The following SPDYC variants were observed in gnomAD, a reference collection of about 807,000 sequenced individuals.
The protein encoded by SPDYC is speedy/RINGO cell cycle regulator family member C, also known as speedy protein C.
Under a neutral mutation model 33.9 loss-of-function variants are expected in SPDYC, and 25 were observed. The observed-to-expected ratio is 0.74, with a 90% CI of 0.54 to 1.03. SPDYC has a LOEUF of 1.03. Ranked by LOEUF, SPDYC falls within the 50% of genes least tolerant of loss-of-function variation. The pLI is 0.00. For missense variants in SPDYC, 349 were observed against 382.9 expected (o/e 0.91, Z 0.74); for synonymous variants, 133 against 140.2 (o/e 0.95, Z 0.36).
At chr11:65,170,552 G>C (rs900450138) in intron 1 of SPDYC, among the ~76,000 whole-genome samples, 1 of 152,074 alleles carries the variant, frequency 6.6e-6, no homozygotes, top group African/African-American at 2.4e-5. Flanking sequence ...GGGGTCGGGG[G>C]TGGTTGTGAG....
chr11:65,172,864 G>A, exon 6 of SPDYC: 1 of 1,614,174 alleles, frequency 6.2e-7, no homozygotes, highest in Non-Finnish European at 8.5e-7. Context: ...GCTTAAGCCT[G>A]TGTCATCCAA....
At position 65,172,748 on chromosome 11, in the gene SPDYC, T is replaced by G. The variant is rs774432654; in HGVS notation, c.581T>G (p.Val194Gly). ...GACCGGCGCCCCCACCATGGTGGGGTTCAGAGGGTCTGTCCACAGGTCCCT... is the reference window on the plus strand; with the variant it reads ...GACCGGCGCCCCCACCATGGTGGGGGTCAGAGGGTCTGTCCACAGGTCCCT... Residue 194 changes from valine to glycine, a missense_variant, in exon 6 of 7, where the codon GTT becomes GGT. By Grantham distance (109) the Val-to-Gly change is moderately radical. Coordinates refer to ENST00000377185, the Ensembl canonical transcript of SPDYC. 60 of 1,613,576 alleles carry G rather than the reference T, an allele frequency of 3.7e-5. No individual in the cohort carries two copies. Among genetic ancestry groups the G allele is most frequent in the Non-Finnish European group, 4.8e-5 (57 of 1,179,942 alleles).
At chr11:65,171,943 A>C in exon 3 of SPDYC, 1 of 1,614,018 alleles carries the variant, frequency 6.2e-7, no homozygotes, top group African/African-American at 1.3e-5. Flanking sequence ...CTACCCTCAG[A>C]GGACAGTTTT....
chr11:65,173,314 T>G, downstream of SPDYC: 3 of 1,414,916 alleles, frequency 2.1e-6, no homozygotes, highest in Non-Finnish European at 2.9e-6. Context: ...AGCCTGCAGC[T>G]TGTGCCCACT....
At position 65,170,596 on chromosome 11, in the gene SPDYC, T is replaced by G. The variant is rs1479193151; in HGVS notation, c.26+335T>G. Among the ~76,000 whole-genome samples, 74 of 142,100 alleles carry G rather than the reference T, an allele frequency of 5.2e-4. 1 individual carries two copies. Among genetic ancestry groups the G allele is most frequent in the South Asian group, 1.6e-3 (7 of 4,472 alleles). 93.2% of individuals were successfully genotyped at this position (142,100 alleles called of 152,430 possible). On this transcript the variant is annotated intron_variant, in intron 1 of 6. Transcript: ENST00000377185. ...TAGAGGAGCAGTTAAACTCTTGGGT[T>G]TTTTTTTTCTTTTTTTTTGGCCAGG...
intron 1 of SPDYC, among the ~76,000 whole-genome samples, chr11:65,170,910 C>T (rs1195960): frequency 0.32 from 48,314 of 151,892 alleles, 9,264 homozygotes; most frequent in East Asian, 0.46. Flanking sequence ...ACCAAAAAAC[C>T]TCTTGGGGTT....
At chr11:65,171,945 G>A in exon 3 of SPDYC, 1 of 1,614,052 alleles carries the variant, frequency 6.2e-7, no homozygotes, top group South Asian at 1.1e-5. Context: ...ACCCTCAGAG[G>A]ACAGTTTTGT....
At position 65,170,594 on chromosome 11, in the gene SPDYC, G is replaced by GT. The variant is rs892777284; in HGVS notation, c.26+343dup. On this transcript the variant is annotated intron_variant, in intron 1 of 6. Transcript: ENST00000377185. ...CCTAGAGGAGCAGTTAAACTCTTGG[G>GT]TTTTTTTTTTCTTTTTTTTTGGCCA... Among the ~76,000 whole-genome samples, 108 of 147,618 alleles carry GT rather than the reference G, an allele frequency of 7.3e-4. 1 individual carries two copies. Among genetic ancestry groups the GT allele is most frequent in the South Asian group, 1.7e-3 (8 of 4,652 alleles).
At chr11:65,172,175 C>A in intron 3 of SPDYC, 71 bp from the exon 4 acceptor site, 1 of 1,580,986 alleles carries the variant, frequency 6.3e-7, no homozygotes, top group Non-Finnish European at 8.7e-7. Context: ...TCCCTGGGTG[C>A]AAATGAACCT....
At chr11:65,172,327 G>T (rs142055554) in exon 4 of SPDYC, 2 of 1,614,002 alleles carry the variant, frequency 1.2e-6, no homozygotes, top group African/African-American at 2.7e-5. Flanking sequence ...CCTGTTCTTG[G>T]CCCTGTGAGT....
At chr11:65,171,287 C>T (rs747643967) in intron 1 of SPDYC, 40 bp from the exon 2 acceptor site, 29 of 1,574,442 alleles carry the variant, frequency 1.8e-5, no homozygotes, top group Non-Finnish European at 2.5e-5. Flanking sequence ...GTGAGCATCA[C>T]GGGGGTACAT....
At chr11:65,171,240 T>C in intron 1 of SPDYC, 87 bp from the exon 2 acceptor site, 1 of 1,358,282 alleles carries the variant, frequency 7.4e-7, no homozygotes, top group Non-Finnish European at 1.0e-6. Flanking sequence ...CACCCACCCC[T>C]CCACCGTCCT....
At chr11:65,170,508 G>A (rs944498304) in intron 1 of SPDYC, among the ~76,000 whole-genome samples, 1 of 152,168 alleles carries the variant, frequency 6.6e-6, no homozygotes, top group African/African-American at 2.4e-5. Flanking sequence ...CTCGGTGTAA[G>A]GGATCAGTGG....
chr11:65,171,492 C>A (rs761633732), exon 2 of SPDYC: 3 of 1,572,770 alleles, frequency 1.9e-6, no homozygotes, highest in South Asian at 2.3e-5. Flanking sequence ...CCTTCCTCAG[C>A]CTTCTGGGTG....
Position 65,172,847 on chromosome 11 carries a change from G to T in SPDYC, c.680G>T (p.Ser227Ile), listed in dbSNP as rs1948454296. 5 of 1,614,146 alleles carry T rather than the reference G, an allele frequency of 3.1e-6. No homozygotes were observed. The East Asian group carries it at 1.1e-4, about 36-fold the overall frequency. Residue 227 changes from serine to isoleucine, a missense_variant, in exon 6 of 7, where the codon AGC (serine) becomes ATC (isoleucine). By Grantham distance (142) the Ser-to-Ile change is moderately radical (BLOSUM62 -2). Coordinates refer to ENST00000377185, the Ensembl canonical transcript of SPDYC. The stretch of plus-strand genomic sequence containing the variant: ...TGTGGTTTGCCCCAGCACTGCAGCA[G>T]CCACTTGCTTAAGCCTGTGTCATCC...
At chr11:65,171,235 A>C (rs1340820522) in intron 1 of SPDYC, 92 bp from the exon 2 acceptor site, 8 of 1,374,254 alleles carry the variant, frequency 5.8e-6, no homozygotes, top group Non-Finnish European at 7.8e-6. Context: ...CTCTGCACCC[A>C]CCCCTCCACC....
At chr11:65,172,368 G>T (rs1286360900) in intron 4 of SPDYC, 37 bp downstream of exon 4, 1 of 1,614,132 alleles carries the variant, frequency 6.2e-7, no homozygotes, top group South Asian at 1.1e-5. Context: ...GCATTTGCTG[G>T]AGGTGTCAGA....
intron 1 of SPDYC, 80 bp downstream of exon 1, chr11:65,170,341 A>G: frequency 7.1e-7 from 1 of 1,407,226 alleles, no homozygotes; most frequent in Non-Finnish European, 9.4e-7. Flanking sequence ...GGGGTGGTCG[A>G]CCGCACGTTC....
At chr11:65,172,754 G>A in exon 6 of SPDYC, 1 of 1,613,950 alleles carries the variant, frequency 6.2e-7, no homozygotes. Context: ...GGGGTTCAGA[G>A]GGTCTGTCCA....
Sources: gnomAD v4.1 joint callset for allele counts (sites outside exome capture counted in the v4.1 genomes callset) on GRCh38, gnomAD v4.1.1 for gene constraint, MANE v1.5 for transcripts, NCBI Gene and HGNC (gene_info 2026-07-23, HGNC 2026-07-21) for gene names.